The following MAF variants were observed in gnomAD, a reference collection of about 807,000 sequenced individuals.
The protein encoded by MAF is MAF bZIP transcription factor, also known as transcription factor Maf.
Under a neutral mutation model 22.0 loss-of-function variants are expected in MAF, and 10 were observed. The ratio of observed to expected loss-of-function variants is 0.45; its 90% confidence interval spans 0.28 to 0.77. The LOEUF is 0.77. Among genes scored for constraint, MAF ranks in the 30% least tolerant of loss-of-function variants. MAF has a pLI of 0.12. For missense variants in MAF, 544 were observed against 548.4 expected (o/e 0.99, Z 0.08); for synonymous variants, 337 against 255.8 (o/e 1.32, Z -3.03).
chr16:79,547,205 G>T, the MAF span, among the ~76,000 whole-genome samples: 1 of 151,526 alleles, frequency 6.6e-6, no homozygotes, highest in Non-Finnish European at 1.5e-5. Flanking sequence ...ATCCCTCCAT[G>T]CACACCCCTA....
At chr16:79,352,283 C>G in the MAF span, among the ~76,000 whole-genome samples, 1 of 152,172 alleles carries the variant, frequency 6.6e-6, no homozygotes. Flanking sequence ...CAATGCAAGA[C>G]TCCTTAGAAA....
At chr16:79,372,556 G>C in the MAF span, among the ~76,000 whole-genome samples, 1 of 152,206 alleles carries the variant, frequency 6.6e-6, no homozygotes. Context: ...AAACCTAGGA[G>C]AGACGCTGTA....
the MAF span, among the ~76,000 whole-genome samples, chr16:79,207,142 C>T: frequency 6.6e-6 from 1 of 152,152 alleles, no homozygotes; most frequent in Non-Finnish European, 1.5e-5. Context: ...GACATGAGGG[C>T]TCACCCCCTC....
the MAF span, among the ~76,000 whole-genome samples, chr16:79,286,960 AG>A: frequency 6.6e-6 from 1 of 152,158 alleles, no homozygotes; most frequent in African/African-American, 2.4e-5. Flanking sequence ...AAAAACAAAC[AG>A]ACAAAAAAAC....
chr16:79,543,665 CTTTTCTTTTTCTTT>C, the MAF span, among the ~76,000 whole-genome samples: 2,366 of 150,034 alleles, frequency 0.016, 60 homozygotes, highest in African/African-American at 0.054. Context: ...TCCAGGCCCT[CTTTTCTTTTTCTTT>C]TTTTTTTTTT....
chr16:79,524,932 T>C, the MAF span, among the ~76,000 whole-genome samples: 6 of 152,248 alleles, frequency 3.9e-5, no homozygotes, highest in African/African-American at 1.4e-4. Context: ...CCACGTGAGG[T>C]TTGCTTTAAG....
downstream of MAF, among the ~76,000 whole-genome samples, chr16:79,584,591 T>A (rs532990540): frequency 1.3e-5 from 2 of 152,320 alleles, no homozygotes; most frequent in East Asian, 3.9e-4. Context: ...ATGGTTTCAA[T>A]GTCACGAAAC....
chr16:79,415,279 A>AAGGG, the MAF span, among the ~76,000 whole-genome samples: 3 of 141,656 alleles, frequency 2.1e-5, no homozygotes, highest in South Asian at 2.6e-4. Flanking sequence ...GGAAGGAAGG[A>AAGGG]AGGGAGGGAG....
the MAF span, among the ~76,000 whole-genome samples, chr16:79,467,856 G>T: frequency 6.6e-6 from 1 of 152,016 alleles, no homozygotes; most frequent in African/African-American, 2.4e-5. Flanking sequence ...GGAAGGGAGA[G>T]GGGGAGAAAG....
the MAF span, among the ~76,000 whole-genome samples, chr16:79,510,164 G>C: frequency 6.6e-6 from 1 of 152,190 alleles, no homozygotes; most frequent in African/African-American, 2.4e-5. Flanking sequence ...TTTATCCCCT[G>C]TATGGATTGT....
the MAF span, among the ~76,000 whole-genome samples, chr16:79,279,781 C>G: frequency 6.6e-6 from 1 of 151,568 alleles, no homozygotes; most frequent in Admixed American, 6.6e-5. Context: ...CTTTTTTTTT[C>G]TTTTATATAT....
chr16:79,290,129 T>A, the MAF span, among the ~76,000 whole-genome samples: 1 of 152,140 alleles, frequency 6.6e-6, no homozygotes, highest in African/African-American at 2.4e-5. Flanking sequence ...AGTGCTGGGA[T>A]TACAGGCCTG....
At chr16:79,327,736 G>A in the MAF span, among the ~76,000 whole-genome samples, 1 of 152,136 alleles carries the variant, frequency 6.6e-6, no homozygotes, top group Non-Finnish European at 1.5e-5. Flanking sequence ...CACAAGTGCT[G>A]ACCGCTTTAT....
At chr16:79,382,651 C>G in the MAF span, among the ~76,000 whole-genome samples, 1 of 152,310 alleles carries the variant, frequency 6.6e-6, no homozygotes, top group East Asian at 1.9e-4. Context: ...ATTATCCATT[C>G]CATTGTTTTC....
At chr16:79,545,422 T>C in the MAF span, among the ~76,000 whole-genome samples, 1 of 152,134 alleles carries the variant, frequency 6.6e-6, no homozygotes, top group South Asian at 2.1e-4. Context: ...CAGCAGAATG[T>C]TAAATCAAGT....
chr16:79,597,218 C>A, intron 1 of MAF: 2 of 1,052,450 alleles, frequency 1.9e-6, no homozygotes, highest in East Asian at 5.4e-5. Context: ...GCTAAACAGA[C>A]CTAACTCTTT....
the MAF span, among the ~76,000 whole-genome samples, chr16:79,338,666 G>A: frequency 6.6e-6 from 1 of 152,274 alleles, no homozygotes; most frequent in East Asian, 1.9e-4. Flanking sequence ...ATGGGAGAGA[G>A]ATGGACAGGA....
At chr16:79,300,862 AT>A in the MAF span, among the ~76,000 whole-genome samples, 3 of 152,108 alleles carry the variant, frequency 2.0e-5, no homozygotes, top group Admixed American at 6.5e-5. Flanking sequence ...GTCAATAAAA[AT>A]TTACTACAAA....
chr16:79,478,723 G>A, the MAF span, among the ~76,000 whole-genome samples: 2 of 152,078 alleles, frequency 1.3e-5, no homozygotes, highest in Non-Finnish European at 2.9e-5. Flanking sequence ...GTGCACCAGT[G>A]CATCATCCCA....
Sources: gnomAD v4.1 joint callset for allele counts (sites outside exome capture counted in the v4.1 genomes callset) on GRCh38, gnomAD v4.1.1 for gene constraint, MANE v1.5 for transcripts, NCBI Gene and HGNC (gene_info 2026-07-23, HGNC 2026-07-21) for gene names.